DTNA: variants seen among roughly 807,000 people sequenced by gnomAD.
DTNA encodes dystrobrevin alpha.
In DTNA, 43 loss-of-function variants were observed where a neutral mutation model predicts 100.7. The ratio of observed to expected loss-of-function variants is 0.43; its 90% CI spans 0.33 to 0.55. DTNA has a LOEUF of 0.55. Among genes scored for constraint, DTNA ranks in the 20% least tolerant of loss-of-function variants. The probability of loss-of-function intolerance (pLI) is 0.04; values close to 1 mark genes in which losing one functional copy is unlikely to be tolerated. For missense variants in DTNA, 798 were observed against 953.9 expected (o/e 0.84, Z 2.15); for synonymous variants, 349 against 347.9 (o/e 1.00, Z -0.04).
chr18:34,726,409 G>T (rs187442731), intron 1 of DTNA, among the ~76,000 whole-genome samples: 1 of 152,042 alleles, frequency 6.6e-6, no homozygotes, highest in South Asian at 2.1e-4. Context: ...TCACTCAAAA[G>T]TCCAAAGTCT....
intron 1 of DTNA, among the ~76,000 whole-genome samples, chr18:34,730,373 C>A (rs957765089): frequency 4.6e-5 from 7 of 152,172 alleles, no homozygotes; most frequent in African/African-American, 7.2e-5. Flanking sequence ...AGTGTTAAAG[C>A]AGTACACAGT....
chr18:34,533,351 A>G (rs1428376445), intron 1 of DTNA, among the ~76,000 whole-genome samples: 1 of 151,318 alleles, frequency 6.6e-6, no homozygotes, highest in Non-Finnish European at 1.5e-5. Flanking sequence ...ATCCTGGGAG[A>G]CAAGAGTGAA....
chr18:34,559,711 T>A (rs2146197029), intron 1 of DTNA, among the ~76,000 whole-genome samples: 2 of 152,304 alleles, frequency 1.3e-5, no homozygotes, highest in East Asian at 3.9e-4. Context: ...CTTACTGTAG[T>A]TCCTCCTGAA....
At chr18:34,842,539 T>C (rs1397421221) in intron 13 of DTNA, among the ~76,000 whole-genome samples, 3 of 152,126 alleles carry the variant, frequency 2.0e-5, no homozygotes, top group African/African-American at 7.2e-5. Context: ...CCTACTCCTT[T>C]CTCAGCCTCA....
chr18:34,503,862 T>C (rs2040210116), intron 1 of DTNA, among the ~76,000 whole-genome samples: 1 of 151,940 alleles, frequency 6.6e-6, no homozygotes, highest in Admixed American at 6.6e-5. Flanking sequence ...AGTCTCGCTG[T>C]GTTGCCCAGG....
intron 3 of DTNA, among the ~76,000 whole-genome samples, chr18:34,786,610 C>T (rs9956004): frequency 0.26 from 39,690 of 151,876 alleles, 5,372 homozygotes; most frequent in African/African-American, 0.32. Flanking sequence ...AGGGAGCATG[C>T]GCATGGATAT....
chr18:34,830,939 T>A (rs909216699), intron 11 of DTNA, among the ~76,000 whole-genome samples: 1 of 152,162 alleles, frequency 6.6e-6, no homozygotes, highest in Non-Finnish European at 1.5e-5. Context: ...TCTAAGCTTA[T>A]GAAAGTTAGT....
At chr18:34,557,655 G>T (rs2046216003) in intron 1 of DTNA, among the ~76,000 whole-genome samples, 1 of 151,878 alleles carries the variant, frequency 6.6e-6, no homozygotes, top group Non-Finnish European at 1.5e-5. Context: ...CCCCTGCTGG[G>T]GGGGTGCCTC....
At chr18:34,566,571 T>C (rs1354190165) in intron 1 of DTNA, among the ~76,000 whole-genome samples, 1 of 152,220 alleles carries the variant, frequency 6.6e-6, no homozygotes, top group Non-Finnish European at 1.5e-5. Context: ...CTTTGAAATA[T>C]GAGACAGACT....
chr18:34,599,539 AT>A (rs1363605495), intron 1 of DTNA, among the ~76,000 whole-genome samples: 2 of 151,960 alleles, frequency 1.3e-5, no homozygotes, highest in African/African-American at 4.8e-5. Flanking sequence ...TTAATTAACA[AT>A]TTTTTTCTTT....
chr18:34,583,189 G>A (rs2048803013), intron 1 of DTNA, among the ~76,000 whole-genome samples: 1 of 152,152 alleles, frequency 6.6e-6, no homozygotes, highest in South Asian at 2.1e-4. Flanking sequence ...CAGAATAAAA[G>A]GATCTCCTTA....
upstream of DTNA, chr18:34,710,262 A>T (rs182714659): frequency 6.6e-6 from 1 of 152,268 alleles, no homozygotes; most frequent in Admixed American, 6.5e-5. Context: ...CCACATGATG[A>T]GGTGTATTAG....
chr18:34,862,966 CATT>C (rs748757365), intron 16 of DTNA, among the ~76,000 whole-genome samples: 89 of 152,290 alleles, frequency 5.8e-4, no homozygotes, highest in Non-Finnish European at 1.2e-3. Context: ...AATATGCTAT[CATT>C]GAGACTAGCC....
chr18:34,499,577 A>G (rs557959719), intron 1 of DTNA, among the ~76,000 whole-genome samples: 2 of 152,314 alleles, frequency 1.3e-5, no homozygotes, highest in East Asian at 3.9e-4. Context: ...GCCATTTTAC[A>G]TCCCCATCAA....
intron 1 of DTNA, among the ~76,000 whole-genome samples, chr18:34,540,663 A>G (rs1335899862): frequency 6.6e-6 from 1 of 152,182 alleles, no homozygotes; most frequent in East Asian, 1.9e-4. Context: ...TGGGAAGTAA[A>G]GAACATATGG....
At chr18:34,882,228 C>A (rs780852798) in intron 21 of DTNA, 27 bp downstream of exon 21, 1 of 1,612,648 alleles carries the variant, frequency 6.2e-7, no homozygotes, top group South Asian at 1.1e-5. Context: ...CCACCCCACC[C>A]CACCTCTTCT....
At chr18:34,789,933 C>T (rs930440481) in intron 3 of DTNA, among the ~76,000 whole-genome samples, 3 of 152,070 alleles carry the variant, frequency 2.0e-5, no homozygotes, top group African/African-American at 4.8e-5. Flanking sequence ...AGTAATCATC[C>T]GAAAGTAGAT....
At chr18:34,841,942 T>G (rs2096276151) in intron 13 of DTNA, among the ~76,000 whole-genome samples, 1 of 152,196 alleles carries the variant, frequency 6.6e-6, no homozygotes, top group Non-Finnish European at 1.5e-5. Flanking sequence ...GCTGGTTCTG[T>G]CAGATAAGTC....
chr18:34,657,985 TA>T (rs2074632766), intron 1 of DTNA, among the ~76,000 whole-genome samples: 1 of 152,192 alleles, frequency 6.6e-6, no homozygotes, highest in South Asian at 2.1e-4. Context: ...AGTCAGTAGT[TA>T]AAATGGATGA....
Sources: gnomAD v4.1 joint callset for allele counts (sites outside exome capture counted in the v4.1 genomes callset) on GRCh38, gnomAD v4.1.1 for gene constraint, MANE v1.5 for transcripts, NCBI Gene and HGNC (gene_info 2026-07-23, HGNC 2026-07-21) for gene names.